POLE2: variants seen among roughly 807,000 people sequenced by gnomAD.
POLE2 encodes DNA polymerase epsilon subunit 2.
Under a neutral mutation model 79.4 loss-of-function variants are expected in POLE2, and 56 were observed. The ratio of observed to expected loss-of-function variants is 0.71; its 90% CI spans 0.57 to 0.88. The LOEUF is 0.88. Among genes scored for constraint, POLE2 ranks in the 40% least tolerant of loss-of-function variants. POLE2 has a pLI of 0.00. For synonymous variants in POLE2, 212 were observed against 214.0 expected, an observed-to-expected ratio of 0.99 and a Z score of 0.08; for missense variants, 598 against 638.9, an observed-to-expected ratio of 0.94 and a Z score of 0.69.
chr14:49,673,405 T>C (rs1044898079), intron 5 of POLE2, among the ~76,000 whole-genome samples: 1 of 152,174 alleles, frequency 6.6e-6, no homozygotes, highest in Admixed American at 6.5e-5. Context: ...CTTTCCAAAC[T>C]GATCCCACAC....
chr14:49,666,432 A>C lies in POLE2; in HGVS notation c.493-19T>G. On this transcript the variant is annotated intron_variant, in intron 6 of 18. Coordinates refer to ENST00000216367, the MANE Select transcript of POLE2 (RefSeq NM_002692.4). ...TTTTAAGCTAAAATAAAACAAAATAAATTTTAAAGACTGTAAATATATTCT... is the reference window on the plus strand; with the variant it reads ...TTTTAAGCTAAAATAAAACAAAATACATTTTAAAGACTGTAAATATATTCT... 1 of 1,101,028 alleles carries C rather than the reference A, an allele frequency of 9.1e-7. No homozygotes were observed. The highest frequency in any genetic ancestry group is 1.3e-6 in the Non-Finnish European group (1 of 772,514). 68.2% of individuals were successfully genotyped at this position (1,101,028 alleles called of 1,614,324 possible).
rs553211596 is a variant in POLE2, at chr14:49,687,257, T to C, written c.68+879A>G. Among the ~76,000 whole-genome samples, 68 of 140,384 alleles carry C rather than the reference T, an allele frequency of 4.8e-4. 1 individual carries two copies. In the South Asian group the frequency reaches 0.014, roughly 29 times the overall value. The allele number at this position is 140,384 out of a possible 152,430, so 92.1% of individuals were successfully genotyped here. ...TCCAGCTTGGGCGAGAGTGAGACCA[T>C]GACTCAAAAAAAAAAAAATACATAT... On this transcript the variant is annotated intron_variant, in intron 1 of 18. Transcript: ENST00000216367.
chr14:49,674,559 CTTTTTCTTTTTCTTTTTCTT>C, intron 3 of POLE2, 132 bp from the exon 4 acceptor site: 1 of 602,356 alleles, frequency 1.7e-6, no homozygotes, highest in Non-Finnish European at 2.9e-6. Flanking sequence ...CACACAATTT[CTTTTTCTTTTTCTTTTTCTT>C]TTTTAAGACA....
intron 17 of POLE2, among the ~76,000 whole-genome samples, chr14:49,647,684 T>C (rs1430778588): frequency 3.9e-5 from 6 of 152,162 alleles, no homozygotes; most frequent in Non-Finnish European, 5.9e-5. Flanking sequence ...TCTTGAACTC[T>C]TGGGCACAGG....
At chr14:49,655,136 A>G in intron 11 of POLE2, 42 bp from the exon 12 acceptor site, 2 of 942,002 alleles carry the variant, frequency 2.1e-6, no homozygotes, top group Non-Finnish European at 3.0e-6. Flanking sequence ...TTTCTAGTCT[A>G]CAAATCAAGT....
In POLE2 at chr14:49,655,857, A is replaced by T; in HGVS notation, c.756-14T>A. The T allele has an allele frequency of 6.3e-6, 8 of 1,272,064 alleles. No homozygotes were observed. The highest frequency in any genetic ancestry group is 9.0e-6 in the Non-Finnish European group (8 of 889,748). 78.8% of individuals were successfully genotyped at this position (1,272,064 alleles called of 1,614,324 possible). ...CCATAGTATGCCCTAGATAATTATA[A>T]CATAATTATCTTCTATATACCACTA... On this transcript the variant is annotated splice_polypyrimidine_tract_variant and intron_variant, in intron 10 of 18. Transcript: ENST00000216367.
At chr14:49,667,132 A>G (rs1244225116) in intron 6 of POLE2, among the ~76,000 whole-genome samples, 3 of 151,982 alleles carry the variant, frequency 2.0e-5, no homozygotes, top group Non-Finnish European at 4.4e-5. Flanking sequence ...AGCTTGCAGT[A>G]AGCCGAGATC....
At chr14:49,657,489 G>A (rs566875777) in intron 10 of POLE2, among the ~76,000 whole-genome samples, 1 of 149,788 alleles carries the variant, frequency 6.7e-6, no homozygotes, top group East Asian at 2.0e-4. Flanking sequence ...CTGGAGTGCA[G>A]TGCTGCAGCG....
intron 3 of POLE2, chr14:49,677,762 TC>T: frequency 8.3e-7 from 1 of 1,199,944 alleles, no homozygotes; most frequent in Non-Finnish European, 1.1e-6. Flanking sequence ...CACGCATTCT[TC>T]AGGAGTGTGG....
intron 1 of POLE2, among the ~76,000 whole-genome samples, chr14:49,685,166 A>G (rs1228515362): frequency 1.3e-5 from 2 of 152,128 alleles, no homozygotes; most frequent in Non-Finnish European, 2.9e-5. Context: ...GCCATTCTGT[A>G]TTTGTAGCAC....
chr14:49,669,566 C>T lies in POLE2; in HGVS notation c.450G>A (p.Pro150=), dbSNP rs1337456007. ...TTTCATCAGGGTGAGAACCTATCACCGGAGGAGTAAATAATTCATGCCTGT... is the reference window on the plus strand; with the variant it reads ...TTTCATCAGGGTGAGAACCTATCACTGGAGGAGTAAATAATTCATGCCTGT... ...RTHRHELFTP[P]VIGSHPDESG... is the part of the protein sequence containing the mutation. The change falls in exon 6 of 19, where the codon CCG becomes CCA. Residue 150 remains proline, a synonymous_variant. Coordinates refer to ENST00000216367, the MANE Select transcript of POLE2 (RefSeq NM_002692.4). 1.3e-6 allele frequency: 2 copies of T among 1,599,514 alleles called. No homozygotes were observed. The highest frequency in any genetic ancestry group is 1.7e-4 in the Middle Eastern group (1 of 6,034).
At chr14:49,648,362 G>A (rs766631425) in intron 17 of POLE2, among the ~76,000 whole-genome samples, 13 of 152,338 alleles carry the variant, frequency 8.5e-5, no homozygotes, top group Middle Eastern at 6.8e-3. Flanking sequence ...TAATGATGGT[G>A]TAGGAGGTGG....
chr14:49,670,851 T>C (rs1238091764), intron 5 of POLE2, among the ~76,000 whole-genome samples: 1 of 152,226 alleles, frequency 6.6e-6, no homozygotes, highest in Non-Finnish European at 1.5e-5. Flanking sequence ...ACTGGTGGAC[T>C]TCTAGACTTC....
At chr14:49,647,710 G>A (rs1388839157) in intron 17 of POLE2, among the ~76,000 whole-genome samples, 1 of 152,066 alleles carries the variant, frequency 6.6e-6, no homozygotes, top group Non-Finnish European at 1.5e-5. Context: ...TGCTCACCTC[G>A]GCCTCTCAGA....
intron 11 of POLE2, 100 bp downstream of exon 11, chr14:49,655,571 T>G (rs1884599486): frequency 4.8e-6 from 4 of 832,546 alleles, no homozygotes; most frequent in Non-Finnish European, 7.7e-6. Flanking sequence ...TCTGTTTTTT[T>G]TTAAATAGAA....
intron 6 of POLE2, 59 bp from the exon 7 acceptor site, chr14:49,666,472 CT>C: frequency 2.9e-6 from 2 of 694,402 alleles, no homozygotes; most frequent in Non-Finnish European, 4.5e-6. Flanking sequence ...AGAAACAAAA[CT>C]TTTTATAAAT....
chr14:49,685,934 G>A (rs554073301), intron 1 of POLE2, among the ~76,000 whole-genome samples: 1 of 152,156 alleles, frequency 6.6e-6, no homozygotes, highest in Non-Finnish European at 1.5e-5. Flanking sequence ...GCCAAGTCCT[G>A]CTCATTCTTT....
chr14:49,647,156 A>G lies in POLE2; in HGVS notation c.1565+137T>C, dbSNP rs534705224. On this transcript the variant is annotated intron_variant, in intron 18 of 18. Coordinates refer to ENST00000216367, the MANE Select transcript of POLE2 (RefSeq NM_002692.4). Reference sequence around the variant, plus strand: ...CTGTGTCACACAGCATAACCGTGATAAGCTCAGCCAATAATATTTCTTTAT... The same window carrying G: ...CTGTGTCACACAGCATAACCGTGATGAGCTCAGCCAATAATATTTCTTTAT... 5.7e-5 allele frequency: 32 copies of G among 558,808 alleles called. No homozygotes were observed. In the East Asian group the frequency reaches 1.0e-3, roughly 18 times the overall value. The allele number at this position is 558,808 out of a possible 1,614,324, so 34.6% of individuals were successfully genotyped here.
In POLE2 at chr14:49,646,771, T is replaced by A. The variant is rs1373839934; in HGVS notation, c.1565+522A>T. On this transcript the variant is annotated intron_variant, in intron 18 of 18. Transcript: ENST00000216367. ...GTCATTTGATGAGTCTGGGGCAAAATCCTAACTTAACATTTTTAACAAGGA... is the reference window on the plus strand; with the variant it reads ...GTCATTTGATGAGTCTGGGGCAAAAACCTAACTTAACATTTTTAACAAGGA... The A allele has an allele frequency of 2.6e-5, 4 of 152,176 alleles. No homozygotes were observed. In the East Asian group the frequency reaches 7.7e-4, roughly 29 times the overall value. The allele number at this position is 152,176 out of a possible 1,614,324, so 9.4% of individuals were successfully genotyped here. A position where few individuals can be genotyped will look rare whatever the true frequency, so the allele number is the denominator to read the frequency against.
Sources: gnomAD v4.1 joint callset for allele counts (sites outside exome capture counted in the v4.1 genomes callset) on GRCh38, gnomAD v4.1.1 for gene constraint, MANE v1.5 for transcripts, NCBI Gene and HGNC (gene_info 2026-07-23, HGNC 2026-07-21) for gene names.